HS6ST3: variants seen among roughly 807,000 people sequenced by gnomAD.
The protein encoded by HS6ST3 is heparan sulfate 6-O-sulfotransferase 3, also known as heparan-sulfate 6-O-sulfotransferase 3.
HS6ST3 carries 12 observed loss-of-function variants against 36.7 expected under a neutral mutation model. That is an observed-to-expected ratio of 0.33 (90% CI 0.21 to 0.53). The LOEUF is 0.53. Ranked by LOEUF, HS6ST3 falls within the 20% of genes least tolerant of loss-of-function variation. HS6ST3 has a pLI of 0.95. For synonymous variants in HS6ST3, 240 were observed against 257.5 expected, an observed-to-expected ratio of 0.93 and a Z score of 0.65; for missense variants, 584 against 640.9, an observed-to-expected ratio of 0.91 and a Z score of 0.96.
chr13:96,313,987 G>A (rs1442448160), intron 1 of HS6ST3, among the ~76,000 whole-genome samples: 1 of 152,136 alleles, frequency 6.6e-6, no homozygotes, highest in Non-Finnish European at 1.5e-5. Context: ...GAACACCTGA[G>A]GTCAAGAGTT....
At chr13:96,151,697 A>G (rs1008990743) in intron 1 of HS6ST3, among the ~76,000 whole-genome samples, 4 of 152,210 alleles carry the variant, frequency 2.6e-5, no homozygotes, top group African/African-American at 4.8e-5. Flanking sequence ...CGGCAGGGCC[A>G]TGTGCCTCTG....
rs778282141 is a variant in HS6ST3, at chr13:96,764,643, G to A, written c.708-67847G>A. On this transcript the variant is annotated intron_variant, in intron 1 of 1. Coordinates refer to ENST00000376705, the MANE Select transcript of HS6ST3 (RefSeq NM_153456.4). Reference sequence around the variant, plus strand: ...CCTTTTTATTAATCATTGATTGTGCGGAGGAAACCTTTCCTTCACACTTTC... The same window carrying A: ...CCTTTTTATTAATCATTGATTGTGCAGAGGAAACCTTTCCTTCACACTTTC... Among the ~76,000 whole-genome samples, 25 of 152,218 alleles carry A rather than the reference G, an allele frequency of 1.6e-4. 2 individuals carry two copies. Among genetic ancestry groups the A allele is most frequent in the African/African-American group, 3.4e-4 (14 of 41,540 alleles).
chr13:96,601,187 C>T (rs1213618093), intron 1 of HS6ST3, among the ~76,000 whole-genome samples: 1 of 152,076 alleles, frequency 6.6e-6, no homozygotes, highest in Non-Finnish European at 1.5e-5. Flanking sequence ...ATTCTTTGAG[C>T]TTCTTGTATT....
chr13:96,765,360 C>T (rs1877081694), intron 1 of HS6ST3, among the ~76,000 whole-genome samples: 1 of 152,156 alleles, frequency 6.6e-6, no homozygotes, highest in African/African-American at 2.4e-5. Flanking sequence ...GCGTGAACCA[C>T]CGCACCCGGC....
intron 1 of HS6ST3, among the ~76,000 whole-genome samples, chr13:96,590,566 GCTC>G (rs749403785): frequency 5.9e-5 from 9 of 151,662 alleles, no homozygotes; most frequent in Non-Finnish European, 1.0e-4. Context: ...AGTTGTTTGA[GCTC>G]CTTTTATATT....
chr13:96,219,903 T>G (rs1364716000), intron 1 of HS6ST3, among the ~76,000 whole-genome samples: 1 of 152,152 alleles, frequency 6.6e-6, no homozygotes, highest in Non-Finnish European at 1.5e-5. Flanking sequence ...AGGATGGTCT[T>G]GATCTCTTGA....
chr13:96,166,036 A>G (rs1189643834), intron 1 of HS6ST3, among the ~76,000 whole-genome samples: 1 of 147,624 alleles, frequency 6.8e-6, no homozygotes, highest in Non-Finnish European at 1.5e-5. Context: ...TTATTTATTT[A>G]TTTATTTATT....
At chr13:96,626,760 A>T (rs946623189) in intron 1 of HS6ST3, among the ~76,000 whole-genome samples, 1 of 152,130 alleles carries the variant, frequency 6.6e-6, no homozygotes, top group South Asian at 2.1e-4. Context: ...ATTCGTATTT[A>T]AAAAAGTGTT....
intron 1 of HS6ST3, among the ~76,000 whole-genome samples, chr13:96,329,765 T>C (rs1057406472): frequency 8.3e-6 from 1 of 120,128 alleles, no homozygotes; most frequent in Non-Finnish European, 1.7e-5. Flanking sequence ...TTGATCTGTC[T>C]AATGTTGACA....
At chr13:96,100,939 G>A (rs907190827) in intron 1 of HS6ST3, among the ~76,000 whole-genome samples, 2 of 152,136 alleles carry the variant, frequency 1.3e-5, no homozygotes, top group Non-Finnish European at 2.9e-5. Flanking sequence ...TTTAGTACCT[G>A]TACTGCATGA....
intron 1 of HS6ST3, among the ~76,000 whole-genome samples, chr13:96,115,453 G>T (rs1421652120): frequency 6.6e-6 from 1 of 152,068 alleles, no homozygotes; most frequent in African/African-American, 2.4e-5. Context: ...CCTGTGTCCA[G>T]GGCTTTCATT....
chr13:96,285,351 T>C (rs1019376895), intron 1 of HS6ST3, among the ~76,000 whole-genome samples: 11 of 152,212 alleles, frequency 7.2e-5, no homozygotes, highest in African/African-American at 2.7e-4. Flanking sequence ...AAGATACTTT[T>C]ATTTAGTGCT....
chr13:96,828,956 C>T (rs1878708480), intron 1 of HS6ST3, among the ~76,000 whole-genome samples: 1 of 152,100 alleles, frequency 6.6e-6, no homozygotes, highest in Non-Finnish European at 1.5e-5. Context: ...TTATTCTTTG[C>T]CTCTAAAATT....
In HS6ST3 at chr13:96,472,509, T is replaced by G. The variant is rs186458209; in HGVS notation, c.708-359981T>G. Among the ~76,000 whole-genome samples, 368 of 152,324 alleles carry G rather than the reference T, an allele frequency of 2.4e-3. 1 individual carries two copies. The highest frequency in any genetic ancestry group is 8.4e-3 in the African/African-American group (350 of 41,590). On this transcript the variant is annotated intron_variant, in intron 1 of 1. Transcript: ENST00000376705. ...AGAAAAGACTTCTTCCTGGAAGCCCTCCATGATTCCATGAAACACACATCG... is the reference window on the plus strand; with the variant it reads ...AGAAAAGACTTCTTCCTGGAAGCCCGCCATGATTCCATGAAACACACATCG...
At chr13:96,826,494 T>G (rs908119306) in intron 1 of HS6ST3, among the ~76,000 whole-genome samples, 3 of 152,000 alleles carry the variant, frequency 2.0e-5, no homozygotes, top group African/African-American at 7.3e-5. Context: ...AGGCCTAAGG[T>G]AAGGTTATCA....
At chr13:96,585,025 A>G (rs899517616) in intron 1 of HS6ST3, among the ~76,000 whole-genome samples, 1 of 152,250 alleles carries the variant, frequency 6.6e-6, no homozygotes, top group Non-Finnish European at 1.5e-5. Context: ...CATGTCTTTT[A>G]CAGTGGGGTA....
At chr13:96,364,941 T>G (rs2055256030) in intron 1 of HS6ST3, among the ~76,000 whole-genome samples, 1 of 152,160 alleles carries the variant, frequency 6.6e-6, no homozygotes, top group Non-Finnish European at 1.5e-5. Context: ...TAAAATTCAT[T>G]TATGATCTCC....
intron 1 of HS6ST3, 26 bp from the exon 2 acceptor site, chr13:96,832,464 G>A (rs763167050): frequency 1.3e-6 from 2 of 1,499,204 alleles, no homozygotes; most frequent in Non-Finnish European, 1.8e-6. Context: ...GTCAACTACT[G>A]ATGCTCTTCC....
At chr13:96,732,500 A>T (rs1348306532) in intron 1 of HS6ST3, among the ~76,000 whole-genome samples, 1 of 151,248 alleles carries the variant, frequency 6.6e-6, no homozygotes, top group Non-Finnish European at 1.5e-5. Context: ...CTGTTCCATT[A>T]GTCTGTGTGT....
Sources: allele counts gnomAD v4.1 joint callset (sites outside exome capture counted in the v4.1 genomes callset), GRCh38; gene constraint gnomAD v4.1.1; transcripts MANE v1.5; gene names NCBI Gene and HGNC (gene_info 2026-07-23, HGNC 2026-07-21).